COPB2: variants seen among roughly 807,000 people sequenced by gnomAD.
The protein encoded by COPB2 is coatomer subunit beta'.
Under a neutral mutation model 120.8 loss-of-function variants are expected in COPB2, and 16 were observed. The ratio of observed to expected loss-of-function variants is 0.13; its 90% CI spans 0.09 to 0.20. The LOEUF (loss-of-function observed/expected upper bound fraction) is 0.20. COPB2 is among the 10% of genes least tolerant of loss of function. The pLI, the probability that COPB2 is intolerant of heterozygous loss-of-function variation, is 1.00. For missense variants in COPB2, 794 were observed against 1,076.5 expected, an observed-to-expected ratio of 0.74 and a Z score of 3.67; for synonymous variants, 332 against 366.3, an observed-to-expected ratio of 0.91 and a Z score of 1.07.
intron 5 of COPB2, among the ~76,000 whole-genome samples, chr3:139,375,989 C>G (rs994604195): frequency 6.6e-6 from 1 of 152,142 alleles, no homozygotes; most frequent in Non-Finnish European, 1.5e-5. Flanking sequence ...TGGCTCACAC[C>G]TGTAATCCCA....
chr3:139,384,088 T>G (rs1197084190), intron 1 of COPB2, among the ~76,000 whole-genome samples: 2 of 152,234 alleles, frequency 1.3e-5, no homozygotes. Flanking sequence ...TACTTGAAAT[T>G]CTTCGAAATT....
intron 5 of COPB2, among the ~76,000 whole-genome samples, chr3:139,376,222 A>G (rs759959884): frequency 6.6e-6 from 1 of 152,290 alleles, no homozygotes; most frequent in East Asian, 1.9e-4. Context: ...ATGCCACTGC[A>G]CTCCAGCCTA....
Position 139,377,790 on chromosome 3 carries a change from C to G in COPB2, c.504+251G>C, listed in dbSNP as rs531361683. On this transcript the variant is annotated intron_variant, in intron 5 of 21. Transcript: ENST00000333188. ...TTTTCTTATTCTGGGTTTCCAAAGG[C>G]TAAAAAATTTTTATAACATGCTGCC... 1.3e-3 allele frequency among the ~76,000 whole-genome samples: 195 copies of G among 152,302 alleles called. 1 individual carries two copies. The highest frequency in any genetic ancestry group is 1.6e-3 in the Admixed American group (25 of 15,308).
Position 139,369,504 on chromosome 3 carries a change from T to G in COPB2, c.1246A>C (p.Lys416Gln). Residue 416 changes from lysine (K) to glutamine (Q), a missense_variant, in exon 11 of 22, where the codon AAG becomes CAG. Physicochemically the swap from Lys to Gln is moderately conservative, Grantham distance 53. Around this residue, in one of 3 missense-constraint regions of COPB2, gnomAD observed 610 missense variants for 866.7 expected, o/e 0.70. Transcript: ENST00000333188. ...AATGATTTTTTTTCCTTAAAGTTCT[T>G]AAATATCTTTACAATGCTGTTGCTC... ...RESNSIVKIF[K>Q]NFKEKKSFKP... is the part of the protein sequence containing the mutation. 6.2e-7 allele frequency: 1 copy of G among 1,612,156 alleles called. No homozygotes were observed. Among genetic ancestry groups the G allele is most frequent in the Non-Finnish European group, 8.5e-7 (1 of 1,178,980 alleles).
Position 139,383,428 on chromosome 3 carries a change from C to T in COPB2, c.11G>A (p.Arg4Gln), listed in dbSNP as rs1445167036. Residue 4 changes from arginine (R) to glutamine (Q), a missense_variant, in exon 2 of 22, where the codon CGA becomes CAA. Coordinates refer to ENST00000333188, the MANE Select transcript of COPB2 (RefSeq NM_004766.3). ...AGTTAGCTTTCTTTTGATATCAAGT[C>T]GCAGAGGCTAAAAAGAAACATTAAA... Reference protein sequence around the residue: MPLRLDIKRKLTAR... With the variant: MPLQLDIKRKLTAR... The T allele has an allele frequency of 3.9e-6, 6 of 1,552,384 alleles. No homozygotes were observed. Among genetic ancestry groups the T allele is most frequent in the East Asian group, 2.3e-5 (1 of 43,620 alleles).
At chr3:139,365,996 G>T (rs780771391) in intron 15 of COPB2, among the ~76,000 whole-genome samples, 61 of 152,088 alleles carry the variant, frequency 4.0e-4, no homozygotes, top group Non-Finnish European at 7.6e-4. Context: ...TACAGAGGGG[G>T]AAGTCACAAG....
chr3:139,374,625 A>G (rs1198862502), intron 6 of COPB2, 37 bp from the exon 7 acceptor site: 2 of 1,539,060 alleles, frequency 1.3e-6, no homozygotes, highest in Non-Finnish European at 1.8e-6. Flanking sequence ...TTTATTAATG[A>G]AAAACATGTA....
At chr3:139,359,206 G>GAGACTA (rs1560011787) in intron 18 of COPB2, 28 bp from the exon 19 acceptor site, 2 of 1,611,920 alleles carry the variant, frequency 1.2e-6, no homozygotes, top group South Asian at 1.1e-5. Flanking sequence ...GAACCAAAGA[G>GAGACTA]AGACTAAGTA....
At chr3:139,378,959 G>T (rs2107807591) in intron 4 of COPB2, 88 bp downstream of exon 4, 1 of 1,343,026 alleles carries the variant, frequency 7.4e-7, no homozygotes, top group Non-Finnish European at 1.0e-6. Context: ...AATTATATTT[G>T]TAACAGCAGT....
chr3:139,373,777 G>A lies in COPB2; in HGVS notation c.783C>T (p.Tyr261=). Residue 261 remains tyrosine (Y), a synonymous_variant, in exon 8 of 22, where the codon TAC becomes TAT. Coordinates refer to ENST00000333188, the MANE Select transcript of COPB2 (RefSeq NM_004766.3). ...GTVRIWHSST[Y]RLESTLNYGM... ...CATAATTCAGTGTGCTCTCAAGCCG[G>A]TAGGTGCTTGAATGCCAAATACGTA... 3.1e-6 allele frequency: 5 copies of A among 1,614,078 alleles called. No individual in the cohort carries two copies. The highest frequency in any genetic ancestry group is 4.2e-6 in the Non-Finnish European group (5 of 1,179,988).
rs767180442 is a variant in COPB2 at position 139,375,458 on chromosome 3, A to G, written c.651+10T>C. On this transcript the variant is annotated intron_variant, in intron 6 of 21. Coordinates refer to ENST00000333188, the MANE Select transcript of COPB2 (RefSeq NM_004766.3). ...CTAACATATGGAAGTAAGGTTATGA[A>G]AAACTGTACCTGATAATCCCATATT... is the stretch of plus-strand genomic sequence containing the variant. 1.4e-5 allele frequency: 23 copies of G among 1,609,118 alleles called. No homozygotes were observed. In the Admixed American group the frequency reaches 3.8e-4, roughly 27 times the overall value.
In COPB2 at chr3:139,389,644, G is replaced by C; in HGVS notation, c.-94C>G. ...CGATCCACTGACCGTCAGACTGACT[G>C]ACGTGGAACTTCCGGGAGCCGATTC... On this transcript the variant is annotated 5_prime_UTR_variant, in exon 1 of 22. Transcript: ENST00000333188. 2 of 1,318,550 alleles carry C rather than the reference G, an allele frequency of 1.5e-6. No individual in the cohort carries two copies. Among genetic ancestry groups the C allele is most frequent in the Non-Finnish European group, 2.1e-6 (2 of 962,328 alleles). The allele number at this position is 1,318,550 out of a possible 1,614,324, so 81.7% of individuals were successfully genotyped here.
intron 17 of COPB2, among the ~76,000 whole-genome samples, chr3:139,359,879 A>T (rs1941377359): frequency 6.6e-6 from 1 of 152,146 alleles, no homozygotes; most frequent in South Asian, 2.1e-4. Context: ...AAGGTGATAC[A>T]GTATGTATAC....
intron 9 of COPB2, among the ~76,000 whole-genome samples, chr3:139,372,060 T>A (rs1043357800): frequency 1.3e-5 from 2 of 152,230 alleles, no homozygotes; most frequent in African/African-American, 4.8e-5. Context: ...GCATTACTGC[T>A]GAAATGTTAT....
In COPB2 at chr3:139,359,286, G is replaced by A; in HGVS notation, c.2287C>T (p.Pro763Ser). The change falls in exon 18 of 22, where the codon CCC (proline) becomes TCC (serine). Residue 763 changes from proline (P) to serine (S), a missense_variant. By Grantham distance (74) the Pro-to-Ser change is moderately conservative. Coordinates refer to ENST00000333188, the MANE Select transcript of COPB2 (RefSeq NM_004766.3). ...AGTCTGTACCTTGAAACCTGACTGG[G>A]TAAGTAAGTTCGGGCCAAGAAGGCA... Reference protein sequence around the residue: ...EAAFLARTYLPSQVSRVVKLW... With the variant: ...EAAFLARTYLSSQVSRVVKLW... The A allele has an allele frequency of 1.9e-6, 3 of 1,614,164 alleles. No homozygotes were observed. The highest frequency in any genetic ancestry group is 2.5e-6 in the Non-Finnish European group (3 of 1,180,014).
At position 139,357,874 on chromosome 3, in the gene COPB2, A is replaced by AAAT; in HGVS notation, c.2707_2709dup (p.Ile903dup). ...GGAAAGCATTACAGTCAATCATCCA[A>AAAT]AATATCTTCATCCAGATTGATATCT... On this transcript the variant is annotated inframe_insertion, in exon 22 of 22. Coordinates refer to ENST00000333188, the MANE Select transcript of COPB2 (RefSeq NM_004766.3). 6.4e-7 allele frequency: 1 copy of AAAT among 1,569,516 alleles called. No homozygotes were observed. The highest frequency in any genetic ancestry group is 8.7e-7 in the Non-Finnish European group (1 of 1,144,402).
In COPB2 at chr3:139,379,159, A is replaced by C; in HGVS notation, c.243T>G (p.Ile81Met). Residue 81 changes from isoleucine to methionine, a missense_variant, in exon 4 of 22, where the codon ATT becomes ATG. Ile to Met is a conservative substitution (Grantham distance 10). Around this residue, in one of 3 missense-constraint regions of COPB2, gnomAD observed 610 missense variants for 866.7 expected, o/e 0.70. Transcript: ENST00000333188. ...WVVTGADDMQ[I>M]RVFNYNTLER... ...CCAGAGTATTGTAATTGAACACTCT[A>C]ATCTGCATGTCATCCTAGAAACAGA... 1 of 1,597,002 alleles carries C rather than the reference A, an allele frequency of 6.3e-7. No homozygotes were observed. The highest frequency in any genetic ancestry group is 8.5e-7 in the Non-Finnish European group (1 of 1,174,846).
intron 7 of COPB2, 150 bp from the exon 8 acceptor site, chr3:139,373,958 A>G: frequency 1.2e-6 from 1 of 804,920 alleles, no homozygotes; most frequent in Non-Finnish European, 1.9e-6. Flanking sequence ...CTGTCTTTAA[A>G]TGATTTTTAA....
At chr3:139,382,252 A>G (rs1254580538) in intron 2 of COPB2, 1 of 152,140 alleles carries the variant, frequency 6.6e-6, no homozygotes, top group Non-Finnish European at 1.5e-5. Flanking sequence ...GTGACTTCTC[A>G]TGAGATCTGA....
Sources: allele counts gnomAD v4.1 joint callset (sites outside exome capture counted in the v4.1 genomes callset), GRCh38; gene constraint gnomAD v4.1.1; regional missense constraint gnomAD v4.1.1; transcripts MANE v1.5; gene names NCBI Gene and HGNC (gene_info 2026-07-23, HGNC 2026-07-21).